Variants in PTPRN2 observed in about 807,000 individuals in gnomAD.
PTPRN2 encodes the protein protein tyrosine phosphatase receptor type N2, also known as receptor-type tyrosine-protein phosphatase N2.
In PTPRN2, 74 loss-of-function variants were observed where a neutral mutation model predicts 118.8. The observed-to-expected ratio is 0.62, with a 90% CI of 0.52 to 0.76. The LOEUF (loss-of-function observed/expected upper bound fraction) is 0.76. Ranked by LOEUF, PTPRN2 falls within the 30% of genes least tolerant of loss-of-function variation. The pLI is 0.00. For synonymous variants in PTPRN2, 641 were observed against 608.0 expected, an observed-to-expected ratio of 1.05 and a Z score of -0.80; for missense variants, 1,481 against 1,394.4, an observed-to-expected ratio of 1.06 and a Z score of -0.99.
At chr7:158,109,837 GAGTC>G (rs1415185390) in intron 10 of PTPRN2, among the ~76,000 whole-genome samples, 4 of 151,944 alleles carry the variant, frequency 2.6e-5, no homozygotes, top group East Asian at 1.9e-4. Context: ...CCCGTGTAAA[GAGTC>G]AGTGAGTGAA....
chr7:157,899,938 C>T (rs1762615980), intron 11 of PTPRN2, among the ~76,000 whole-genome samples: 1 of 151,798 alleles, frequency 6.6e-6, no homozygotes, highest in African/African-American at 2.4e-5. Context: ...AGCTATAAGG[C>T]CATCGGTGCT....
chr7:158,419,665 G>C (rs1901757), intron 2 of PTPRN2, among the ~76,000 whole-genome samples: 148,038 of 152,194 alleles, frequency 0.97, 72,030 homozygotes, highest in African/African-American at 0.99. Context: ...CCTGATGGAG[G>C]ACTTGGAGAA....
At chr7:157,833,831 G>A (rs940395552) in intron 12 of PTPRN2, among the ~76,000 whole-genome samples, 2 of 152,202 alleles carry the variant, frequency 1.3e-5, no homozygotes, top group South Asian at 2.1e-4. Context: ...GTAACAAGCC[G>A]CTCATTTCCA....
rs1215583229 is a variant in PTPRN2 at position 158,133,716 on chromosome 7, G to C, written c.1517C>G (p.Ser506Cys). ...GATGTAGCCCCGCGCCTCTTCCTCG[G>C]AAGGCTGGACCTCCAATTGCAGGCC... is the stretch of plus-strand genomic sequence containing the variant. The part of the protein sequence containing the change: ...SDGLQLEVQP[S>C]EEEARGYIVT... The change falls in exon 9 of 23, where the codon TCC becomes TGC. Residue 506 changes from serine to cysteine, a missense_variant. Ser to Cys is a moderately radical substitution (Grantham distance 112). Around this residue, in one of 3 missense-constraint regions of PTPRN2, gnomAD observed 1,115 missense variants for 994.2 expected, o/e 1.12. Transcript: ENST00000389418. The C allele has an allele frequency of 6.2e-7, 1 of 1,608,728 alleles. No individual in the cohort carries two copies. The highest frequency in any genetic ancestry group is 2.2e-5 in the East Asian group (1 of 44,708).
At position 157,898,665 on chromosome 7, in the gene PTPRN2, T is replaced by C. The variant is rs1056634579; in HGVS notation, c.1788+8A>G. 3.2e-6 allele frequency: 5 copies of C among 1,581,198 alleles called. No homozygotes were observed. Among genetic ancestry groups the C allele is most frequent in the Non-Finnish European group, 4.3e-6 (5 of 1,149,968 alleles). ...CGCAGAGCAGACGGCACCCCTTCTG[T>C]TACTCACCGACCCGACTCCGGTTTG... On this transcript the variant is annotated splice_region_variant and intron_variant, in intron 12 of 22. Coordinates refer to ENST00000389418, the MANE Select transcript of PTPRN2 (RefSeq NM_002847.5).
chr7:158,167,630 G>A (rs577867133), intron 5 of PTPRN2, among the ~76,000 whole-genome samples: 21 of 152,292 alleles, frequency 1.4e-4, no homozygotes, highest in South Asian at 4.1e-4. Context: ...CAGAACATCC[G>A]CATCACCCAA....
intron 14 of PTPRN2, among the ~76,000 whole-genome samples, chr7:157,635,320 C>T (rs1479225587): frequency 6.6e-6 from 1 of 152,212 alleles, no homozygotes; most frequent in Non-Finnish European, 1.5e-5. Flanking sequence ...GGAGTGCCTC[C>T]CAGTTTCTGA....
chr7:158,233,958 AC>A (rs1471820703), intron 3 of PTPRN2, among the ~76,000 whole-genome samples: 1 of 152,202 alleles, frequency 6.6e-6, no homozygotes, highest in East Asian at 1.9e-4. Flanking sequence ...CTCACCATAT[AC>A]AAAAATCGAA....
At chr7:158,299,645 G>A (rs1489741754) in intron 3 of PTPRN2, among the ~76,000 whole-genome samples, 1 of 152,094 alleles carries the variant, frequency 6.6e-6, no homozygotes, top group East Asian at 1.9e-4. Flanking sequence ...AGATAGCCAG[G>A]GCCTTCTGAG....
chr7:157,571,862 A>G (rs1231806824), intron 19 of PTPRN2, among the ~76,000 whole-genome samples: 2 of 149,656 alleles, frequency 1.3e-5, no homozygotes, highest in African/African-American at 2.5e-5. Context: ...TTGATTCTTC[A>G]CTAAAATTTT....
At chr7:158,332,517 G>C (rs1804691559) in intron 2 of PTPRN2, among the ~76,000 whole-genome samples, 1 of 132,574 alleles carries the variant, frequency 7.5e-6, no homozygotes, top group East Asian at 2.3e-4. Context: ...TAAGAGCTGA[G>C]GCACAAAGAG....
chr7:158,548,698 C>G (rs1348591701), intron 1 of PTPRN2, among the ~76,000 whole-genome samples: 3 of 152,238 alleles, frequency 2.0e-5, no homozygotes, highest in Non-Finnish European at 4.4e-5. Flanking sequence ...GCTCCAAGAA[C>G]AACACGGGTT....
intron 13 of PTPRN2, among the ~76,000 whole-genome samples, chr7:157,662,469 G>A (rs548593660): frequency 3.2e-4 from 49 of 152,310 alleles, no homozygotes; most frequent in Admixed American, 3.1e-3. Flanking sequence ...CGCAAGAAGC[G>A]ATGGGAATGA....
Position 158,529,354 on chromosome 7 carries a change from A to G in PTPRN2, c.113-39569T>C. On this transcript the variant is annotated intron_variant, in intron 1 of 22. Transcript: ENST00000389418. This position sits in a 1 kb window ranked among gnomAD's most constrained non-coding sequence, Gnocchi z 4.7. The stretch of plus-strand genomic sequence containing the variant: ...TGCAGGTGCTGACACGCCCCAGAGC[A>G]AGCATTGGCTGTGTCGGCAGAGGAA... Among the ~76,000 whole-genome samples the G allele has an allele frequency of 6.6e-6, 1 of 152,246 alleles. No homozygotes were observed. Among genetic ancestry groups the G allele is most frequent in the East Asian group, 1.9e-4 (1 of 5,196 alleles).
intron 11 of PTPRN2, among the ~76,000 whole-genome samples, chr7:158,010,341 C>G (rs922235603): frequency 3.3e-5 from 5 of 152,164 alleles, no homozygotes; most frequent in South Asian, 2.1e-4. Flanking sequence ...AGAGAGTGAA[C>G]CCACAGACAC....
chr7:158,470,764 A>C (rs1455471657), intron 2 of PTPRN2, among the ~76,000 whole-genome samples: 2 of 152,122 alleles, frequency 1.3e-5, no homozygotes, highest in African/African-American at 4.8e-5. Flanking sequence ...GGCTCAGTAC[A>C]TCTTCCCGCT....
At chr7:157,656,730 C>T (rs557001720) in intron 13 of PTPRN2, among the ~76,000 whole-genome samples, 179 bp from the exon 14 acceptor site, 4 of 152,174 alleles carry the variant, frequency 2.6e-5, no homozygotes, top group South Asian at 2.1e-4. Context: ...CCCCAAAGCA[C>T]GCGCCCAGCA....
chr7:158,072,444 G>A (rs1473711932), intron 11 of PTPRN2, among the ~76,000 whole-genome samples: 1 of 152,180 alleles, frequency 6.6e-6, no homozygotes, highest in Non-Finnish European at 1.5e-5. Flanking sequence ...GAGAGCCCAG[G>A]GGCCTTGGGC....
At chr7:157,644,925 G>A (rs1038657691) in intron 14 of PTPRN2, among the ~76,000 whole-genome samples, 1 of 152,192 alleles carries the variant, frequency 6.6e-6, no homozygotes, top group Non-Finnish European at 1.5e-5. Context: ...CTACCCAGCC[G>A]GCTCCTTTCT....
Sources: allele counts gnomAD v4.1 joint callset (sites outside exome capture counted in the v4.1 genomes callset), GRCh38; gene constraint gnomAD v4.1.1; regional missense constraint gnomAD v4.1.1; non-coding constraint Gnocchi (gnomAD v3.1); transcripts MANE v1.5; gene names NCBI Gene and HGNC (gene_info 2026-07-23, HGNC 2026-07-21).